GC: variants seen among roughly 807,000 people sequenced by gnomAD.
The protein encoded by GC is GC vitamin D binding protein.
A neutral mutation model predicts 56.7 loss-of-function variants in GC; 43 were observed. The ratio of observed to expected loss-of-function variants is 0.76; its 90% CI spans 0.59 to 0.98. The LOEUF (loss-of-function observed/expected upper bound fraction) is 0.98. Among genes scored for constraint, GC ranks in the 50% least tolerant of loss-of-function variants. The probability of loss-of-function intolerance (pLI) is 0.00; values close to 1 mark genes in which losing one functional copy is unlikely to be tolerated. For synonymous variants in GC, 216 were observed against 202.7 expected (o/e 1.07, Z -0.56); for missense variants, 529 against 545.9 (o/e 0.97, Z 0.31).
At chr4:71,756,960 T>A (rs1560694218) in intron 7 of GC, 46 bp from the exon 8 acceptor site, 1 of 1,293,690 alleles carries the variant, frequency 7.7e-7, no homozygotes, top group Non-Finnish European at 1.1e-6. Flanking sequence ...TTCCTGATAG[T>A]CTAATTAAAA....
At chr4:71,794,009 C>A (rs1391686637) in intron 1 of GC, among the ~76,000 whole-genome samples, 1 of 152,164 alleles carries the variant, frequency 6.6e-6, no homozygotes, top group African/African-American at 2.4e-5. Flanking sequence ...ATGAAGCCAG[C>A]TTGATCATGC....
chr4:71,768,231 C>T (rs898368992), intron 3 of GC, 70 bp downstream of exon 3: 23 of 1,334,510 alleles, frequency 1.7e-5, no homozygotes, highest in Non-Finnish European at 2.3e-5. Context: ...TTTTTCAACA[C>T]GTGGTATAAA....
intron 6 of GC, chr4:71,759,725 A>G (rs1033809937): frequency 2.6e-5 from 4 of 152,016 alleles, no homozygotes; most frequent in Admixed American, 2.0e-4. Context: ...TTTTACCCCT[A>G]TTTTAATTAA....
chr4:71,801,169 G>A (rs1435248245), intron 1 of GC, among the ~76,000 whole-genome samples: 1 of 152,108 alleles, frequency 6.6e-6, no homozygotes, highest in Non-Finnish European at 1.5e-5. Flanking sequence ...ATGGGCAAAG[G>A]ATCTGAATAG....
chr4:71,752,428 A>G, intron 11 of GC, 90 bp downstream of exon 11: 4 of 1,023,084 alleles, frequency 3.9e-6, no homozygotes, highest in South Asian at 3.3e-5. Flanking sequence ...ACATAATGGC[A>G]TCTCAATAAC....
intron 1 of GC, among the ~76,000 whole-genome samples, chr4:71,799,490 G>A (rs950874363): frequency 6.6e-6 from 1 of 152,174 alleles, no homozygotes; most frequent in African/African-American, 2.4e-5. Flanking sequence ...CCTTGGGCAT[G>A]ACACTGCTGA....
chr4:71,765,415 A>G lies in GC; in HGVS notation c.473+17T>C. The G allele has an allele frequency of 6.3e-7, 1 of 1,594,164 alleles. No individual in the cohort carries two copies. The highest frequency in any genetic ancestry group is 8.6e-7 in the Non-Finnish European group (1 of 1,162,518). On this transcript the variant is annotated intron_variant, in intron 4 of 12. Transcript: ENST00000273951. Reference sequence around the variant, plus strand: ...TACTTTAGGTCCTAAAGTTCTATTTATGATGAAGGCACTCACTGATTAGCA... The same window carrying G: ...TACTTTAGGTCCTAAAGTTCTATTTGTGATGAAGGCACTCACTGATTAGCA...
At chr4:71,778,906 ATTATTATTATTATTATTG>A (rs1413592804) in intron 1 of GC, among the ~76,000 whole-genome samples, 8 of 147,024 alleles carry the variant, frequency 5.4e-5, no homozygotes, top group African/African-American at 2.0e-4. Context: ...TATTATTATT[ATTATTATTATTATTATTG>A]GCTAAATCCA....
In GC at chr4:71,763,504, T is replaced by A; in HGVS notation, c.607-2A>T. ...TGATAAATGTTTAAGCTGGAGTCTC[T>A]AGAAAACAAGTGAAAGAATCTCATT... is the stretch of plus-strand genomic sequence containing the variant. On this transcript the variant is annotated splice_acceptor_variant, in intron 5 of 12. Coordinates refer to ENST00000273951, the MANE Select transcript of GC (RefSeq NM_000583.4). LOFTEE classifies it high-confidence loss of function. 6.4e-7 allele frequency: 1 copy of A among 1,560,488 alleles called. No individual in the cohort carries two copies. Among genetic ancestry groups the A allele is most frequent in the African/African-American group, 1.4e-5 (1 of 73,954 alleles).
At chr4:71,803,452 T>C (rs1743296066) in intron 1 of GC, among the ~76,000 whole-genome samples, 1 of 152,146 alleles carries the variant, frequency 6.6e-6, no homozygotes, top group Non-Finnish European at 1.5e-5. Flanking sequence ...TAATCAATGA[T>C]GATAAATAAC....
At chr4:71,793,041 C>A (rs1452814649) in intron 1 of GC, among the ~76,000 whole-genome samples, 3 of 152,112 alleles carry the variant, frequency 2.0e-5, no homozygotes, top group African/African-American at 7.2e-5. Context: ...GGTACGGGTA[C>A]CATGCTGTTT....
chr4:71,745,774 C>G (rs1245361261), intron 12 of GC, among the ~76,000 whole-genome samples: 1 of 152,062 alleles, frequency 6.6e-6, no homozygotes. Flanking sequence ...TGTCCCTTTC[C>G]TCCTAAGGTC....
chr4:71,746,260 A>C, intron 11 of GC, 55 bp from the exon 12 acceptor site: 1 of 819,244 alleles, frequency 1.2e-6, no homozygotes, highest in South Asian at 1.5e-5. Context: ...TTTGTAGGCT[A>C]CTAGATCATG....
intron 1 of GC, among the ~76,000 whole-genome samples, chr4:71,789,998 T>C (rs1742930756): frequency 3.3e-5 from 5 of 152,002 alleles, no homozygotes; most frequent in Admixed American, 2.0e-4. Flanking sequence ...ATTTTAGCAC[T>C]TCCCCTTGTA....
chr4:71,804,133 T>G (rs1358964223), upstream of GC: 4 of 610,246 alleles, frequency 6.6e-6, no homozygotes, highest in Non-Finnish European at 1.2e-5. Context: ...CCACAGACCC[T>G]GGCTGAGCAA....
intron 1 of GC, among the ~76,000 whole-genome samples, chr4:71,791,721 G>T (rs767088273): frequency 3.3e-5 from 5 of 151,476 alleles, no homozygotes; most frequent in African/African-American, 1.2e-4. Flanking sequence ...CAATGTGCAG[G>T]TTTGTTACAT....
intron 1 of GC, among the ~76,000 whole-genome samples, chr4:71,777,833 C>G (rs1742555061): frequency 6.6e-6 from 1 of 151,110 alleles, no homozygotes; most frequent in South Asian, 2.1e-4. Context: ...GGGAGTCGAA[C>G]AGTGAGAACA....
At chr4:71,754,890 AG>A in intron 9 of GC, 87 bp downstream of exon 9, 1 of 805,532 alleles carries the variant, frequency 1.2e-6, no homozygotes. Flanking sequence ...GCCATAAAAA[AG>A]TAGGCAGTGA....
intron 1 of GC, among the ~76,000 whole-genome samples, chr4:71,797,414 G>A (rs1020005276): frequency 1.4e-4 from 21 of 152,334 alleles, no homozygotes; most frequent in African/African-American, 4.3e-4. Context: ...CCCTCCTCCC[G>A]CTCAGCTGCA....
Sources: allele counts gnomAD v4.1 joint callset (sites outside exome capture counted in the v4.1 genomes callset), GRCh38; gene constraint gnomAD v4.1.1; transcripts MANE v1.5; gene names NCBI Gene and HGNC (gene_info 2026-07-23, HGNC 2026-07-21).